Variants in XYLT1 observed in about 807,000 individuals in gnomAD.
The protein encoded by XYLT1 is xylosyltransferase 1, also known as beta-D-xylosyltransferase 1.
XYLT1 carries 36 observed loss-of-function variants against 91.3 expected under a neutral mutation model. The observed-to-expected ratio is 0.39, with a 90% CI of 0.30 to 0.52. The LOEUF is 0.52. XYLT1 is among the 20% of genes least tolerant of loss of function. The pLI, the probability that XYLT1 is intolerant of heterozygous loss-of-function variation, is 0.68. For missense variants in XYLT1, 1,242 were observed against 1,284.5 expected (o/e 0.97, Z 0.51); for synonymous variants, 588 against 532.0 (o/e 1.11, Z -1.45).
intron 1 of XYLT1, among the ~76,000 whole-genome samples, chr16:17,452,098 T>C (rs185767457): frequency 3.2e-4 from 48 of 152,258 alleles, no homozygotes; most frequent in African/African-American, 1.1e-3. Flanking sequence ...AAGAGAAGCA[T>C]TGAGCAAGCA....
intron 5 of XYLT1, among the ~76,000 whole-genome samples, chr16:17,173,729 C>A (rs116824151): frequency 6.6e-6 from 1 of 152,242 alleles, no homozygotes; most frequent in Admixed American, 6.5e-5. Context: ...GACAGCTTGA[C>A]GTGCTGCTGT....
intron 1 of XYLT1, among the ~76,000 whole-genome samples, chr16:17,442,102 G>A (rs149602366): frequency 6.6e-6 from 1 of 152,168 alleles, no homozygotes; most frequent in African/African-American, 2.4e-5. Flanking sequence ...TTTGAGTTCA[G>A]ATGAAAACAT....
intron 1 of XYLT1, among the ~76,000 whole-genome samples, chr16:17,426,778 G>A (rs1285965610): frequency 6.6e-6 from 1 of 152,116 alleles, no homozygotes; most frequent in Non-Finnish European, 1.5e-5. Flanking sequence ...TTTCCTGTCT[G>A]GCCCTTTACA....
At chr16:17,342,683 T>G (rs530367480) in intron 2 of XYLT1, among the ~76,000 whole-genome samples, 2 of 151,964 alleles carry the variant, frequency 1.3e-5, no homozygotes, top group East Asian at 3.9e-4. Flanking sequence ...GATCGCACCA[T>G]TGCACTCCAG....
At chr16:17,327,517 C>A (rs1596483944) in intron 2 of XYLT1, among the ~76,000 whole-genome samples, 1 of 150,334 alleles carries the variant, frequency 6.7e-6, no homozygotes, top group Non-Finnish European at 1.5e-5. Context: ...CACCCACCAC[C>A]ATGCCCGGCT....
intron 2 of XYLT1, among the ~76,000 whole-genome samples, chr16:17,287,739 C>A (rs1231869398): frequency 6.6e-6 from 1 of 152,104 alleles, no homozygotes; most frequent in Admixed American, 6.5e-5. Context: ...AGACAGAAGT[C>A]AAGTGAGGAG....
chr16:17,140,095 G>A (rs185259987), intron 7 of XYLT1, among the ~76,000 whole-genome samples: 5 of 152,330 alleles, frequency 3.3e-5, no homozygotes, highest in African/African-American at 1.2e-4. Context: ...CAACCTGGAG[G>A]TCAGGAAGAT....
chr16:17,455,524 G>A (rs2036728725), intron 1 of XYLT1, among the ~76,000 whole-genome samples: 1 of 151,992 alleles, frequency 6.6e-6, no homozygotes. Context: ...GCCTAGGTGG[G>A]CGAATCACTT....
At chr16:17,436,155 T>C (rs1254159003) in intron 1 of XYLT1, among the ~76,000 whole-genome samples, 1 of 152,212 alleles carries the variant, frequency 6.6e-6, no homozygotes, top group African/African-American at 2.4e-5. Flanking sequence ...TCGTTCGCCT[T>C]CTGCCATGAT....
Position 17,104,964 on chromosome 16 carries a change from G to T in XYLT1, c.*3731C>A, listed in dbSNP as rs574629616. 1 of 152,316 alleles carries T rather than the reference G, an allele frequency of 6.6e-6. No individual in the cohort carries two copies. Among genetic ancestry groups the T allele is most frequent in the South Asian group, 2.1e-4 (1 of 4,826 alleles). The allele number at this position is 152,316 out of a possible 1,614,324, so 9.4% of individuals were successfully genotyped here. ...ACAGTGTGTGGCTTTGATCCTGCAG[G>T]TCTAGCTTGCTGTCTTTAAAGTGGA... is the stretch of plus-strand genomic sequence containing the variant. On this transcript the variant is annotated 3_prime_UTR_variant, in exon 12 of 12. Transcript: ENST00000261381.
chr16:17,211,801 C>T (rs2032762276), intron 3 of XYLT1, among the ~76,000 whole-genome samples: 1 of 152,178 alleles, frequency 6.6e-6, no homozygotes, highest in African/African-American at 2.4e-5. Flanking sequence ...CTCAGAATGG[C>T]TTCAAAACTA....
At chr16:17,321,989 G>A (rs534142284) in intron 2 of XYLT1, among the ~76,000 whole-genome samples, 90 of 152,242 alleles carry the variant, frequency 5.9e-4, no homozygotes, top group African/African-American at 2.0e-3. Flanking sequence ...TCATCACTGA[G>A]TTTCAACACC....
intron 1 of XYLT1, among the ~76,000 whole-genome samples, chr16:17,444,525 T>G (rs2036570049): frequency 6.6e-6 from 1 of 151,300 alleles, no homozygotes; most frequent in Non-Finnish European, 1.5e-5. Context: ...TTTTTTTTTT[T>G]TAATAGAGAC....
chr16:17,118,973 C>G (rs189856919), intron 10 of XYLT1, among the ~76,000 whole-genome samples: 80 of 152,294 alleles, frequency 5.3e-4, no homozygotes, highest in African/African-American at 1.6e-3. Context: ...GACCACCCCC[C>G]ACCCCAAATT....
At chr16:17,222,457 C>T (rs189125871) in intron 3 of XYLT1, among the ~76,000 whole-genome samples, 28 of 152,284 alleles carry the variant, frequency 1.8e-4, no homozygotes, top group Admixed American at 1.8e-3. Flanking sequence ...TGCTTGAAAC[C>T]CGTGATCCTG....
chr16:17,268,290 C>G (rs1205310439), intron 2 of XYLT1, among the ~76,000 whole-genome samples: 1 of 152,132 alleles, frequency 6.6e-6, no homozygotes, highest in Non-Finnish European at 1.5e-5. Context: ...AATATGCATA[C>G]TTTTCATAAA....
At chr16:17,327,786 C>T (rs180847953) in intron 2 of XYLT1, among the ~76,000 whole-genome samples, 6 of 152,100 alleles carry the variant, frequency 3.9e-5, no homozygotes, top group East Asian at 3.9e-4. Context: ...GCATTTTCCT[C>T]GTCTTAAATT....
chr16:17,365,978 C>A (rs139855918), intron 1 of XYLT1, among the ~76,000 whole-genome samples: 425 of 151,624 alleles, frequency 2.8e-3, no homozygotes, highest in African/African-American at 9.8e-3. Context: ...AGAAACCTAC[C>A]TGAAAAGATT....
intron 5 of XYLT1, among the ~76,000 whole-genome samples, chr16:17,160,794 G>T: frequency 6.6e-6 from 1 of 152,150 alleles, no homozygotes; most frequent in Non-Finnish European, 1.5e-5. Flanking sequence ...GTAGTTTGTG[G>T]GGACAGAGCC....
Sources: allele counts gnomAD v4.1 joint callset (sites outside exome capture counted in the v4.1 genomes callset), GRCh38; gene constraint gnomAD v4.1.1; transcripts MANE v1.5; gene names NCBI Gene and HGNC (gene_info 2026-07-23, HGNC 2026-07-21).